TMTC2: variants seen among roughly 807,000 people sequenced by gnomAD.
TMTC2 encodes transmembrane O-mannosyltransferase targeting cadherins 2.
Under a neutral mutation model 82.4 loss-of-function variants are expected in TMTC2, and 43 were observed. That is an observed-to-expected ratio of 0.52 (90% CI 0.41 to 0.67). The LOEUF is 0.67. TMTC2 is among the 30% of genes least tolerant of loss of function. TMTC2 has a pLI of 0.00. For missense variants in TMTC2, 919 were observed against 1,012.4 expected (o/e 0.91, Z 1.25); for synonymous variants, 408 against 381.9 (o/e 1.07, Z -0.80).
intron 1 of TMTC2, among the ~76,000 whole-genome samples, chr12:82,790,448 ATTC>A (rs1174638821): frequency 4.6e-5 from 7 of 152,134 alleles, no homozygotes. Flanking sequence ...TTAAAAAACT[ATTC>A]TTATGAATTC....
At chr12:82,803,465 A>C (rs1274263943) in intron 1 of TMTC2, among the ~76,000 whole-genome samples, 1 of 152,170 alleles carries the variant, frequency 6.6e-6, no homozygotes, top group East Asian at 1.9e-4. Flanking sequence ...GTTACATGAA[A>C]GTGATAATTG....
intron 1 of TMTC2, among the ~76,000 whole-genome samples, chr12:82,802,095 G>A (rs917275016): frequency 6.6e-5 from 10 of 152,112 alleles, no homozygotes; most frequent in Admixed American, 2.0e-4. Flanking sequence ...AGGGGGTGGC[G>A]TTCGTGGGGG....
intron 8 of TMTC2, among the ~76,000 whole-genome samples, chr12:83,014,163 T>G (rs1880573303): frequency 6.6e-6 from 1 of 152,144 alleles, no homozygotes; most frequent in Admixed American, 6.6e-5. Context: ...TTTTTTATTT[T>G]GTTTTATTAT....
intron 4 of TMTC2, among the ~76,000 whole-genome samples, chr12:82,937,750 GTATATATATATA>G (rs1162321741): frequency 0.011 from 1,145 of 105,966 alleles, 32 homozygotes; most frequent in African/African-American, 0.048. Context: ...GTGTGTGTGT[GTATATATATATA>G]TATATATATA....
intron 11 of TMTC2, among the ~76,000 whole-genome samples, chr12:83,070,099 A>T (rs1883058288): frequency 6.6e-6 from 1 of 152,126 alleles, no homozygotes; most frequent in Admixed American, 6.5e-5. Flanking sequence ...CTTAGAGTAT[A>T]GTTTGAAATC....
At chr12:82,725,866 C>T (rs1195062714) in intron 1 of TMTC2, among the ~76,000 whole-genome samples, 4 of 152,174 alleles carry the variant, frequency 2.6e-5, no homozygotes, top group Non-Finnish European at 1.5e-5. Context: ...AGATAAAAGA[C>T]TGTGGAGACC....
At chr12:82,994,925 G>A (rs1357872261) in intron 8 of TMTC2, among the ~76,000 whole-genome samples, 1 of 151,982 alleles carries the variant, frequency 6.6e-6, no homozygotes, top group Non-Finnish European at 1.5e-5. Context: ...CCACTTGGAA[G>A]ATTCCACCCC....
chr12:82,882,345 C>G (rs1872876858), intron 2 of TMTC2, among the ~76,000 whole-genome samples: 2 of 152,248 alleles, frequency 1.3e-5, no homozygotes, highest in Middle Eastern at 3.4e-3. Context: ...GATATCAGTA[C>G]TTTACCCCTT....
At chr12:82,933,500 C>T (rs1463783686) in intron 4 of TMTC2, among the ~76,000 whole-genome samples, 2 of 152,120 alleles carry the variant, frequency 1.3e-5, no homozygotes, top group Non-Finnish European at 2.9e-5. Context: ...CTTGTTCTAT[C>T]TTAACTCCTA....
intron 8 of TMTC2, among the ~76,000 whole-genome samples, chr12:83,026,586 A>G (rs1881187286): frequency 6.6e-6 from 1 of 152,044 alleles, no homozygotes; most frequent in South Asian, 2.1e-4. Context: ...AGGGACAAAT[A>G]TTTGAGTATA....
intron 4 of TMTC2, among the ~76,000 whole-genome samples, chr12:82,956,188 C>T (rs993205506): frequency 6.6e-6 from 1 of 152,040 alleles, no homozygotes; most frequent in Non-Finnish European, 1.5e-5. Context: ...TACAAAGCAA[C>T]AAACTAGTAA....
At chr12:82,771,503 T>G (rs2136995834) in intron 1 of TMTC2, among the ~76,000 whole-genome samples, 2 of 152,310 alleles carry the variant, frequency 1.3e-5, no homozygotes, top group Middle Eastern at 3.4e-3. Context: ...CCCCAGTTTT[T>G]TGTGTGTGTT....
chr12:82,766,038 C>T (rs1027260444), intron 1 of TMTC2, among the ~76,000 whole-genome samples: 1 of 152,090 alleles, frequency 6.6e-6, no homozygotes, highest in Non-Finnish European at 1.5e-5. Flanking sequence ...CCAGTCCTGG[C>T]CCGGGCTCTG....
chr12:82,940,014 C>CTTTTTTTTTTTTTTTTTTTTTTT (rs71309537), intron 4 of TMTC2, among the ~76,000 whole-genome samples: 3 of 91,264 alleles, frequency 3.3e-5, no homozygotes, highest in Non-Finnish European at 4.3e-5. Context: ...TCTTTCTTTA[C>CTTTTTTTTTTTTTTTTTTTTTTT]TTTTTTTTTT....
At chr12:82,730,288 C>G (rs920451465) in intron 1 of TMTC2, among the ~76,000 whole-genome samples, 2 of 101,806 alleles carry the variant, frequency 2.0e-5, no homozygotes, top group African/African-American at 7.7e-5. Flanking sequence ...GAGCAAAACT[C>G]TGTCTCTCAA....
chr12:83,095,004 G>T (rs567767901), intron 11 of TMTC2, among the ~76,000 whole-genome samples: 11 of 152,264 alleles, frequency 7.2e-5, no homozygotes, highest in African/African-American at 2.6e-4. Flanking sequence ...TAAACATAAA[G>T]TTCATAAAGA....
chr12:83,029,609 T>C (rs928816238), intron 8 of TMTC2, among the ~76,000 whole-genome samples: 5 of 152,182 alleles, frequency 3.3e-5, no homozygotes, highest in African/African-American at 1.2e-4. Flanking sequence ...CCATGGTCTG[T>C]GGCTTTGGAC....
chr12:82,875,770 GT>G (rs1872452782), intron 2 of TMTC2, among the ~76,000 whole-genome samples: 1 of 151,952 alleles, frequency 6.6e-6, no homozygotes, highest in African/African-American at 2.4e-5. Flanking sequence ...TTAGCTTGTG[GT>G]GTTAGGGCAC....
At chr12:82,976,199 A>G (rs1193290676) in intron 7 of TMTC2, among the ~76,000 whole-genome samples, 1 of 152,164 alleles carries the variant, frequency 6.6e-6, no homozygotes, top group East Asian at 1.9e-4. Flanking sequence ...CCTTGAAAAT[A>G]TAAAGGAAAT....
Sources: gnomAD v4.1 joint callset for allele counts (sites outside exome capture counted in the v4.1 genomes callset) on GRCh38, gnomAD v4.1.1 for gene constraint, MANE v1.5 for transcripts, NCBI Gene and HGNC (gene_info 2026-07-23, HGNC 2026-07-21) for gene names.